The following SLC28A1 variants were observed in gnomAD, a reference collection of about 807,000 sequenced individuals.
The protein encoded by SLC28A1 is solute carrier family 28 member 1, also known as sodium/nucleoside cotransporter 1.
Under a neutral mutation model 74.8 loss-of-function variants are expected in SLC28A1, and 64 were observed. That is an observed-to-expected ratio of 0.86 (90% CI 0.70 to 1.05). SLC28A1 has a LOEUF of 1.05. Among genes scored for constraint, SLC28A1 ranks in the 50% least tolerant of loss-of-function variants. The pLI, the probability that SLC28A1 is intolerant of heterozygous loss-of-function variation, is 0.00. For synonymous variants in SLC28A1, 359 were observed against 335.0 expected, an observed-to-expected ratio of 1.07 and a Z score of -0.78; for missense variants, 828 against 822.8, an observed-to-expected ratio of 1.01 and a Z score of -0.08.
At chr15:84,891,852 G>C (rs1965406461) in intron 5 of SLC28A1, among the ~76,000 whole-genome samples, 1 of 152,182 alleles carries the variant, frequency 6.6e-6, no homozygotes, top group South Asian at 2.1e-4. Flanking sequence ...ATGGGCATGA[G>C]TTTGGGGTGG....
intron 9 of SLC28A1, among the ~76,000 whole-genome samples, chr15:84,912,639 T>C (rs931218328): frequency 6.6e-6 from 1 of 152,112 alleles, no homozygotes; most frequent in Non-Finnish European, 1.5e-5. Context: ...ACTATTGTTC[T>C]AGCCTCTGGA....
intron 15 of SLC28A1, among the ~76,000 whole-genome samples, chr15:84,940,288 C>T (rs1231736975): frequency 1.3e-5 from 2 of 152,154 alleles, no homozygotes; most frequent in Non-Finnish European, 2.9e-5. Flanking sequence ...CCCCATACTG[C>T]ACCAGGCAAG....
chr15:84,924,394 A>G (rs1422903219), intron 12 of SLC28A1, among the ~76,000 whole-genome samples: 1 of 152,056 alleles, frequency 6.6e-6, no homozygotes, highest in African/African-American at 2.4e-5. Context: ...CCAGATGAGA[A>G]AATTGAGGCT....
chr15:84,946,086 A>ATG (rs2079203988), downstream of SLC28A1, among the ~76,000 whole-genome samples: 1 of 7,394 alleles, frequency 1.4e-4, no homozygotes, highest in African/African-American at 4.3e-4. Context: ...GTGTATGTTC[A>ATG]TATATATATA....
intron 10 of SLC28A1, among the ~76,000 whole-genome samples, chr15:84,919,962 G>A (rs114887335): frequency 0.013 from 1,958 of 152,286 alleles, 45 homozygotes; most frequent in African/African-American, 0.042. Flanking sequence ...GCAGGATAGT[G>A]AAAGGGATTG....
the SLC28A1 span, among the ~76,000 whole-genome samples, chr15:84,961,010 C>G: frequency 6.6e-6 from 1 of 152,174 alleles, no homozygotes; most frequent in South Asian, 2.1e-4. Flanking sequence ...CAGACACATA[C>G]ATGGTTGAGT....
intron 9 of SLC28A1, among the ~76,000 whole-genome samples, chr15:84,912,206 T>C (rs890300501): frequency 1.3e-5 from 2 of 152,218 alleles, no homozygotes; most frequent in Non-Finnish European, 2.9e-5. Context: ...ACACACATAT[T>C]ATTGGGATTT....
chr15:84,926,485 G>A, intron 12 of SLC28A1: 4 of 446,988 alleles, frequency 8.9e-6, no homozygotes, highest in Admixed American at 4.8e-5. Flanking sequence ...TTACAGGCAT[G>A]AGCCATTGCA....
Position 84,923,965 on chromosome 15 carries a change from G to A in SLC28A1, c.958-20G>A. On this transcript the variant is annotated intron_variant, in intron 11 of 18. Coordinates refer to ENST00000394573, the MANE Select transcript of SLC28A1 (RefSeq NM_004213.5). ...CCAATCACCCCCACCCTGCTTGTCT[G>A]ACATCTTTCCTGTTTGCAGACCGAG... The A allele has an allele frequency of 6.2e-7, 1 of 1,614,022 alleles. No individual in the cohort carries two copies. The highest frequency in any genetic ancestry group is 1.3e-5 in the African/African-American group (1 of 75,008).
chr15:84,888,500 G>A (rs1314127498), intron 3 of SLC28A1, among the ~76,000 whole-genome samples: 1 of 151,892 alleles, frequency 6.6e-6, no homozygotes, highest in East Asian at 1.9e-4. Context: ...GCCTCCCCTC[G>A]GCCCCTCTCA....
At chr15:84,886,435 T>C (rs1007102666) in intron 1 of SLC28A1, 20 of 985,322 alleles carry the variant, frequency 2.0e-5, no homozygotes, top group Middle Eastern at 5.2e-4. Context: ...GCGGCCCTAA[T>C]AGGCCTGGAA....
chr15:84,924,713 A>G (rs765564268), intron 12 of SLC28A1, among the ~76,000 whole-genome samples: 5 of 152,200 alleles, frequency 3.3e-5, no homozygotes, highest in Non-Finnish European at 7.3e-5. Flanking sequence ...GCCCGGTAAT[A>G]ATGCTTTACA....
the SLC28A1 span, among the ~76,000 whole-genome samples, chr15:84,974,011 C>T: frequency 6.6e-6 from 1 of 152,180 alleles, no homozygotes; most frequent in African/African-American, 2.4e-5. Flanking sequence ...TGGGACCTGG[C>T]AGGCCTGTGT....
downstream of SLC28A1, among the ~76,000 whole-genome samples, chr15:84,950,665 A>C (rs111337196): frequency 3.9e-5 from 6 of 152,252 alleles, no homozygotes; most frequent in African/African-American, 1.4e-4. Flanking sequence ...TGATAGCACC[A>C]CTGCACTCCA....
intron 11 of SLC28A1, 71 bp downstream of exon 11, chr15:84,921,140 C>A: frequency 8.6e-7 from 1 of 1,164,438 alleles, no homozygotes; most frequent in East Asian, 2.4e-5. Context: ...CCCTGGATCC[C>A]CAGAGCTCTG....
chr15:84,948,892 A>G (rs1214690853), downstream of SLC28A1, among the ~76,000 whole-genome samples: 1 of 152,184 alleles, frequency 6.6e-6, no homozygotes, highest in East Asian at 1.9e-4. Flanking sequence ...TTTTGCATCA[A>G]AAAGTGTTTT....
At chr15:84,950,648 A>G (rs963220698), downstream of SLC28A1, among the ~76,000 whole-genome samples, 1 of 152,118 alleles carries the variant, frequency 6.6e-6, no homozygotes, top group African/African-American at 2.4e-5. Context: ...TTGAGACTGC[A>G]GTAAGCTGAT....
At position 84,935,472 on chromosome 15, in the gene SLC28A1, T is replaced by C; in HGVS notation, c.1535T>C (p.Leu512Pro). ...QDLSKYKQRR[L>P]AGAEEWVGDR... ...CTCTCCAAGTACAAGCAACGCCGCC[T>C]GGCAGGGGCCGAGGAGTGGGTCGGC... The change falls in exon 15 of 19, where the codon CTG becomes CCG. Residue 512 changes from leucine (L) to proline (P), a missense_variant. Around this residue, in one of 3 missense-constraint regions of SLC28A1, gnomAD observed 767 missense variants for 753.5 expected, o/e 1.02. Coordinates refer to ENST00000394573, the MANE Select transcript of SLC28A1 (RefSeq NM_004213.5). 1 of 1,614,172 alleles carries C rather than the reference T, an allele frequency of 6.2e-7. No individual in the cohort carries two copies. The highest frequency in any genetic ancestry group is 8.5e-7 in the Non-Finnish European group (1 of 1,180,018).
At chr15:84,933,419 A>G (rs1009138405) in intron 13 of SLC28A1, 144 bp downstream of exon 13, 14 of 987,328 alleles carry the variant, frequency 1.4e-5, no homozygotes, top group Non-Finnish European at 9.2e-6. Context: ...TTTGGGCTTC[A>G]TTTGCTGTCT....
Sources: gnomAD v4.1 joint callset for allele counts (sites outside exome capture counted in the v4.1 genomes callset) on GRCh38, gnomAD v4.1.1 for gene constraint, gnomAD v4.1.1 regional missense constraint, MANE v1.5 for transcripts, NCBI Gene and HGNC (gene_info 2026-07-23, HGNC 2026-07-21) for gene names.